ARHGEF12: variants seen among roughly 807,000 people sequenced by gnomAD.
ARHGEF12 encodes KMT2A/ARHGEF12 fusion protein.
Under a neutral mutation model 211.2 loss-of-function variants are expected in ARHGEF12, and 66 were observed. The ratio of observed to expected loss-of-function variants is 0.31; its 90% CI spans 0.26 to 0.38. The LOEUF (loss-of-function observed/expected upper bound fraction) is 0.38. Ranked by LOEUF, ARHGEF12 falls within the 10% of genes least tolerant of loss-of-function variation. ARHGEF12 has a pLI of 1.00. For synonymous variants in ARHGEF12, 592 were observed against 638.4 expected (o/e 0.93, Z 1.09); for missense variants, 1,429 against 1,869.5 (o/e 0.76, Z 4.34).
intron 1 of ARHGEF12, among the ~76,000 whole-genome samples, chr11:120,346,101 A>C (rs1942711319): frequency 6.6e-6 from 1 of 152,342 alleles, no homozygotes; most frequent in South Asian, 2.1e-4. Context: ...CCTCATAGGT[A>C]ACAATAGTTA....
At chr11:120,416,978 A>G (rs1945048182) in intron 4 of ARHGEF12, among the ~76,000 whole-genome samples, 1 of 152,234 alleles carries the variant, frequency 6.6e-6, no homozygotes, top group African/African-American at 2.4e-5. Flanking sequence ...TTATTAACAT[A>G]AAAGTACTTA....
rs535564572 is a variant in ARHGEF12, at chr11:120,477,625, G to A, written c.3532+99G>A. On this transcript the variant is annotated intron_variant, in intron 36 of 40. Coordinates refer to ENST00000397843, the MANE Select transcript of ARHGEF12 (RefSeq NM_015313.3). The stretch of plus-strand genomic sequence containing the variant: ...CATGCCTGTAATCCCAGTGCTTTGG[G>A]AGGTCGAGATAGGCGTATCACCTGA... 2.7e-4 allele frequency: 313 copies of A among 1,174,294 alleles called. 3 individuals are homozygous for A. The African/African-American group carries it at 3.1e-3, about 12-fold the overall frequency. 72.7% of individuals were successfully genotyped at this position (1,174,294 alleles called of 1,614,324 possible). A position where few individuals can be genotyped will look rare whatever the true frequency, so the allele number is the denominator to read the frequency against.
chr11:120,478,431 TGA>T, intron 37 of ARHGEF12, 42 bp downstream of exon 37: 1 of 1,526,510 alleles, frequency 6.6e-7, no homozygotes, highest in Non-Finnish European at 9.1e-7. Context: ...TTACTAAGTA[TGA>T]CACTCATGTG....
intron 1 of ARHGEF12, among the ~76,000 whole-genome samples, chr11:120,400,510 C>A (rs772404541): frequency 2.0e-4 from 30 of 151,902 alleles, no homozygotes; most frequent in Middle Eastern, 3.2e-3. Flanking sequence ...TGAATATAGT[C>A]TTTAAAAAAA....
At position 120,428,051 on chromosome 11, in the gene ARHGEF12, C is replaced by G. The variant is rs1281908883; in HGVS notation, c.407-18C>G. The G allele has an allele frequency of 9.2e-6, 14 of 1,515,854 alleles. No homozygotes were observed. The highest frequency in any genetic ancestry group is 1.1e-5 in the Non-Finnish European group (13 of 1,132,160). 93.9% of individuals were successfully genotyped at this position (1,515,854 alleles called of 1,614,324 possible). On this transcript the variant is annotated intron_variant, in intron 7 of 40. Transcript: ENST00000397843. ...TTATTTTCCCTTCCCTTCCCTTTTT[C>G]CGTCTCCCCACCCCAAGCTGGTTCC...
At chr11:120,415,533 G>C (rs1347588968) in intron 4 of ARHGEF12, among the ~76,000 whole-genome samples, 3 of 152,194 alleles carry the variant, frequency 2.0e-5, no homozygotes, top group Non-Finnish European at 4.4e-5. Context: ...GCCAGTATTG[G>C]TGATTTTAGT....
At chr11:120,407,888 A>C in intron 3 of ARHGEF12, 65 bp downstream of exon 3, 2 of 1,377,354 alleles carry the variant, frequency 1.5e-6, no homozygotes, top group Non-Finnish European at 2.1e-6. Flanking sequence ...ATAGAGCTTA[A>C]GCTACCCGAA....
intron 2 of ARHGEF12, among the ~76,000 whole-genome samples, 199 bp downstream of exon 2, chr11:120,406,340 A>G (rs1414562087): frequency 2.0e-5 from 3 of 152,150 alleles, no homozygotes; most frequent in African/African-American, 7.2e-5. Flanking sequence ...TAATACTTCT[A>G]ATATAAGCAT....
rs184833093 is a variant in ARHGEF12, at chr11:120,464,848, A to G, written c.2614-389A>G. 458 of 161,614 alleles carry G rather than the reference A, an allele frequency of 2.8e-3. 3 individuals carry two copies. Among genetic ancestry groups the G allele is most frequent in the African/African-American group, 0.01 (427 of 41,656 alleles). 10.0% of individuals were successfully genotyped at this position (161,614 alleles called of 1,614,324 possible). ...CATGGTGAAACCCCATCTCTACTAA[A>G]AATACAAAAATTAGCTGGGTGTGGT... On this transcript the variant is annotated intron_variant, in intron 27 of 40. Transcript: ENST00000397843.
chr11:120,484,410 T>TA (rs762679924), intron 39 of ARHGEF12, 28 bp from the exon 40 acceptor site: 2 of 1,599,692 alleles, frequency 1.3e-6, no homozygotes, highest in Non-Finnish European at 1.7e-6. Flanking sequence ...TACGTTTGAA[T>TA]AAAAAACCTA....
At chr11:120,475,567 C>T (rs1947004152) in intron 33 of ARHGEF12, 60 bp downstream of exon 33, 2 of 1,545,486 alleles carry the variant, frequency 1.3e-6, no homozygotes, top group Non-Finnish European at 1.8e-6. Flanking sequence ...GCATAAGATA[C>T]TCGGTGCTGT....
chr11:120,413,366 T>C lies in ARHGEF12; in HGVS notation c.199+3916T>C, dbSNP rs376450553. Among the ~76,000 whole-genome samples, 3 of 152,228 alleles carry C rather than the reference T, an allele frequency of 2.0e-5. No homozygotes were observed. In the East Asian group the frequency reaches 5.8e-4, roughly 29 times the overall value. Reference sequence around the variant, plus strand: ...CATCTGTTTTGTATTTAATTACTTATATTTATGTTTATCTTTACATCTCCC... The same window carrying C: ...CATCTGTTTTGTATTTAATTACTTACATTTATGTTTATCTTTACATCTCCC... On this transcript the variant is annotated intron_variant, in intron 4 of 40. Transcript: ENST00000397843.
chr11:120,387,982 G>T (rs959276397), intron 1 of ARHGEF12, among the ~76,000 whole-genome samples: 1 of 152,056 alleles, frequency 6.6e-6, no homozygotes, highest in African/African-American at 2.4e-5. Flanking sequence ...AGTATAATTT[G>T]ATAGGTTTTG....
At chr11:120,404,353 T>C (rs1944628487) in intron 1 of ARHGEF12, among the ~76,000 whole-genome samples, 1 of 152,232 alleles carries the variant, frequency 6.6e-6, no homozygotes. Flanking sequence ...CTTATGCATA[T>C]AAGCATATAT....
At chr11:120,465,139 T>A (rs1946661685) in intron 27 of ARHGEF12, 98 bp from the exon 28 acceptor site, 3 of 1,493,734 alleles carry the variant, frequency 2.0e-6, no homozygotes, top group Non-Finnish European at 2.8e-6. Context: ...ATTTTGTCAC[T>A]TGAAATATTG....
At position 120,449,496 on chromosome 11, in the gene ARHGEF12, C is replaced by A. The variant is rs149675911; in HGVS notation, c.1843+282C>A. 1,386 of 301,886 alleles carry A rather than the reference C, an allele frequency of 4.6e-3. 10 individuals carry two copies. Among genetic ancestry groups the A allele is most frequent in the Non-Finnish European group, 4.3e-3 (701 of 161,600 alleles). The allele number at this position is 301,886 out of a possible 1,614,324, so 18.7% of individuals were successfully genotyped here. A position where few individuals can be genotyped will look rare whatever the true frequency, so the allele number is the denominator to read the frequency against. Reference sequence around the variant, plus strand: ...CAGGCGGATCACAAGTTCAGGAGATCGAGACCATCCTGGCTAACACAATGA... The same window carrying A: ...CAGGCGGATCACAAGTTCAGGAGATAGAGACCATCCTGGCTAACACAATGA... On this transcript the variant is annotated intron_variant, in intron 21 of 40. Transcript: ENST00000397843.
At chr11:120,467,145 A>G (rs748941821) in intron 28 of ARHGEF12, 49 bp from the exon 29 acceptor site, 4 of 1,215,108 alleles carry the variant, frequency 3.3e-6, no homozygotes, top group Admixed American at 1.7e-5. Context: ...TGGTACATGT[A>G]TAAGTTCAAA....
intron 1 of ARHGEF12, among the ~76,000 whole-genome samples, chr11:120,379,956 A>G (rs1234068711): frequency 1.3e-5 from 2 of 152,296 alleles, no homozygotes; most frequent in African/African-American, 4.8e-5. Flanking sequence ...ATACTGAGAC[A>G]GTGTTGGCCT....
chr11:120,432,940 G>A (rs1447463170), intron 11 of ARHGEF12, among the ~76,000 whole-genome samples: 1 of 152,068 alleles, frequency 6.6e-6, no homozygotes, highest in African/African-American at 2.4e-5. Context: ...GTTTTTTAAG[G>A]TAGTGATAGG....
Sources: gnomAD v4.1 joint callset for allele counts (sites outside exome capture counted in the v4.1 genomes callset) on GRCh38, gnomAD v4.1.1 for gene constraint, MANE v1.5 for transcripts, NCBI Gene and HGNC (gene_info 2026-07-23, HGNC 2026-07-21) for gene names.